UNKL: variants seen among roughly 807,000 people sequenced by gnomAD.
The protein encoded by UNKL is unk like zinc finger, also known as putative E3 ubiquitin-protein ligase UNKL.
In UNKL, 60 loss-of-function variants were observed where a neutral mutation model predicts 78.0. The observed-to-expected ratio is 0.77, with a 90% CI of 0.63 to 0.95. The LOEUF is 0.95. Ranked by LOEUF, UNKL falls within the 40% of genes least tolerant of loss-of-function variation. UNKL has a pLI of 0.00. For synonymous variants in UNKL, 608 were observed against 474.8 expected, an observed-to-expected ratio of 1.28 and a Z score of -3.65; for missense variants, 1,159 against 1,045.7, an observed-to-expected ratio of 1.11 and a Z score of -1.49.
At chr16:1,406,008 C>G in intron 2 of UNKL, 1 of 456,742 alleles carries the variant, frequency 2.2e-6, no homozygotes, top group Non-Finnish European at 4.4e-6. Context: ...TGTGGTCCCC[C>G]CAGCTGGTGT....
chr16:1,370,296 T>C lies in UNKL; in HGVS notation c.1419A>G (p.Pro473=), dbSNP rs550724213. 26 of 1,533,998 alleles carry C rather than the reference T, an allele frequency of 1.7e-5. No homozygotes were observed. The East Asian group carries it at 4.9e-4, about 29-fold the overall frequency. ...ACGCAGAGGATGGCGAGTGTAGCGA[T>C]GGTGCTCTGGGCAGGGAGCCGGGGA... is the stretch of plus-strand genomic sequence containing the variant. ...VAIPGSLPRA[P]SLHSPSSAST... is the part of the protein sequence containing the mutation. The change falls in exon 12 of 15, where the codon CCA becomes CCG. Residue 473 remains proline (P), a synonymous_variant. Coordinates refer to ENST00000389221, the MANE Select transcript of UNKL (RefSeq NM_001372107.1).
Position 1,399,320 on chromosome 16 carries a change from C to T in UNKL, c.734+54G>A, listed in dbSNP as rs1360132849. On this transcript the variant is annotated intron_variant, in intron 5 of 14. Coordinates refer to ENST00000389221, the MANE Select transcript of UNKL (RefSeq NM_001372107.1). This position sits in a 1 kb window ranked among gnomAD's most constrained non-coding sequence, Gnocchi z 5.8. ...CGGGGTGGGCAACGCGAGCCACGGG[C>T]CGGGAAGGACGCCCACCAGCCGGAG... 3 of 1,495,898 alleles carry T rather than the reference C, an allele frequency of 2.0e-6. No individual in the cohort carries two copies. The highest frequency in any genetic ancestry group is 2.7e-6 in the Non-Finnish European group (3 of 1,123,982). The allele number at this position is 1,495,898 out of a possible 1,614,324, so 92.7% of individuals were successfully genotyped here. A position where few individuals can be genotyped will look rare whatever the true frequency, so the allele number is the denominator to read the frequency against.
At chr16:1,385,148 A>T in intron 10 of UNKL, 60 bp downstream of exon 10, 1 of 1,180,992 alleles carries the variant, frequency 8.5e-7, no homozygotes, top group Non-Finnish European at 1.1e-6. Context: ...CTGTCCCTGA[A>T]AAGCTACAGC....
intron 3 of UNKL, among the ~76,000 whole-genome samples, chr16:1,402,193 ACC>A (rs1567233860): frequency 2.0e-5 from 3 of 147,076 alleles, no homozygotes; most frequent in African/African-American, 5.3e-5. Flanking sequence ...TGCCCTCCGG[ACC>A]CAGAAGAGAA....
In UNKL at chr16:1,364,111, C is replaced by A. The variant is rs951234534; in HGVS notation, c.*2129G>T. On this transcript the variant is annotated 3_prime_UTR_variant, in exon 15 of 15. Transcript: ENST00000389221. The stretch of plus-strand genomic sequence containing the variant: ...ACAAATAAAAACAGAGTTTACACAT[C>A]GATGACAGTAGCACAAAATATACGT... 6.6e-6 allele frequency: 1 copy of A among 152,202 alleles called. No individual in the cohort carries two copies. The highest frequency in any genetic ancestry group is 1.5e-5 in the Non-Finnish European group (1 of 68,030). 9.4% of individuals were successfully genotyped at this position (152,202 alleles called of 1,614,324 possible).
chr16:1,369,943 C>A lies in UNKL; in HGVS notation c.1585+187G>T, dbSNP rs748409154. 84 of 1,548,766 alleles carry A rather than the reference C, an allele frequency of 5.4e-5. No individual in the cohort carries two copies. The Middle Eastern group carries it at 8.4e-4, about 15-fold the overall frequency. ...CGAGCCGAGATCGTACCATTGCAGTCCAACCTGGGCGACAGAGCGAGACTC... is the reference window on the plus strand; with the variant it reads ...CGAGCCGAGATCGTACCATTGCAGTACAACCTGGGCGACAGAGCGAGACTC... On this transcript the variant is annotated intron_variant, in intron 12 of 14. Transcript: ENST00000389221.
At chr16:1,382,212 C>G (rs928597037) in intron 10 of UNKL, among the ~76,000 whole-genome samples, 12 of 152,236 alleles carry the variant, frequency 7.9e-5, no homozygotes, top group South Asian at 2.1e-4. Flanking sequence ...GTTTTAAAAA[C>G]CTACCCTTTA....
intron 5 of UNKL, chr16:1,398,213 A>C: frequency 1.5e-6 from 1 of 672,414 alleles, no homozygotes; most frequent in Non-Finnish European, 1.8e-6. Context: ...CTATGTTCCT[A>C]CTGCAGTGAG....
At chr16:1,391,401 A>G (rs538967686) in intron 8 of UNKL, among the ~76,000 whole-genome samples, 1 of 151,108 alleles carries the variant, frequency 6.6e-6, no homozygotes, top group East Asian at 2.0e-4. Context: ...GGCTAAAGCA[A>G]TCCTCCTGTC....
chr16:1,383,267 C>T (rs1314757911), intron 10 of UNKL, among the ~76,000 whole-genome samples: 1 of 138,910 alleles, frequency 7.2e-6, no homozygotes, highest in Non-Finnish European at 1.5e-5. Context: ...AGAGAAACTC[C>T]GTCTCAAAAA....
At position 1,364,720 on chromosome 16, in the gene UNKL, GTCCTC is replaced by G. The variant is rs2035099957; in HGVS notation, c.*1515_*1519del. On this transcript the variant is annotated 3_prime_UTR_variant, in exon 15 of 15. Transcript: ENST00000389221. ...CAGGCCACTGAGAGGCTGTGGCCGG[GTCCTC>G]TCCTGTGACCTCACTGGCCACATGG... The G allele has an allele frequency of 1.3e-5, 2 of 152,286 alleles. No individual in the cohort carries two copies. Among genetic ancestry groups the G allele is most frequent in the Admixed American group, 1.3e-4 (2 of 15,288 alleles). 9.4% of individuals were successfully genotyped at this position (152,286 alleles called of 1,614,324 possible). A position where few individuals can be genotyped will look rare whatever the true frequency, so the allele number is the denominator to read the frequency against.
chr16:1,406,307 C>G (rs1234673177), intron 2 of UNKL, among the ~76,000 whole-genome samples: 2 of 151,730 alleles, frequency 1.3e-5, no homozygotes, highest in African/African-American at 4.8e-5. Flanking sequence ...CTGCCTCCTG[C>G]GTTTAAGCGA....
At chr16:1,396,826 C>G (rs1208177665) in intron 6 of UNKL, among the ~76,000 whole-genome samples, 3 of 151,906 alleles carry the variant, frequency 2.0e-5, no homozygotes, top group African/African-American at 7.3e-5. Flanking sequence ...TCTCGTTATC[C>G]AGCTGCCTCA....
At chr16:1,375,130 G>C (rs905047917) in intron 10 of UNKL, among the ~76,000 whole-genome samples, 13 of 152,200 alleles carry the variant, frequency 8.5e-5, no homozygotes, top group African/African-American at 2.4e-4. Flanking sequence ...CACCCCCCGA[G>C]CCCCCCAGGG....
chr16:1,390,502 C>T (rs763054398), intron 9 of UNKL, 130 bp downstream of exon 9: 23 of 943,270 alleles, frequency 2.4e-5, no homozygotes, highest in Non-Finnish European at 3.2e-5. Context: ...CTTTGCGAGC[C>T]GAGAGTGGGC....
intron 5 of UNKL, chr16:1,398,236 C>T (rs531973501): frequency 1.1e-6 from 1 of 914,154 alleles, no homozygotes; most frequent in East Asian, 1.2e-4. Context: ...GAGACTGCAC[C>T]ACCGCACTCC....
rs188532667 is a variant in UNKL at position 1,369,709 on chromosome 16, G to A, written c.1585+421C>T. Among the ~76,000 whole-genome samples the A allele has an allele frequency of 4.9e-3, 743 of 152,310 alleles. 6 individuals are homozygous for A. The highest frequency in any genetic ancestry group is 0.017 in the African/African-American group (707 of 41,580). On this transcript the variant is annotated intron_variant, in intron 12 of 14. Transcript: ENST00000389221. ...TACAACGTAACAAATAGCCGGGCACGGTGGCTCACTGTCATCCCACACTTT... is the reference window on the plus strand; with the variant it reads ...TACAACGTAACAAATAGCCGGGCACAGTGGCTCACTGTCATCCCACACTTT...
intron 10 of UNKL, among the ~76,000 whole-genome samples, chr16:1,383,288 A>AC (rs1555456597): frequency 6.6e-6 from 1 of 151,096 alleles, no homozygotes; most frequent in African/African-American, 2.4e-5. Flanking sequence ...AAAAAAAAAA[A>AC]CAAAATCAAA....
intron 8 of UNKL, 151 bp downstream of exon 8, chr16:1,392,740 G>T: frequency 1.1e-6 from 1 of 945,474 alleles, no homozygotes; most frequent in Non-Finnish European, 1.6e-6. Context: ...CAGCCTAGTG[G>T]CAAGGATTTT....
Sources: allele counts gnomAD v4.1 joint callset (sites outside exome capture counted in the v4.1 genomes callset), GRCh38; gene constraint gnomAD v4.1.1; non-coding constraint Gnocchi (gnomAD v3.1); transcripts MANE v1.5; gene names NCBI Gene and HGNC (gene_info 2026-07-23, HGNC 2026-07-21).